Variants in TENM2 observed in about 807,000 individuals in gnomAD.
TENM2 encodes teneurin-2.
Under a neutral mutation model 245.2 loss-of-function variants are expected in TENM2, and 52 were observed. The ratio of observed to expected loss-of-function variants is 0.21; its 90% CI spans 0.17 to 0.27. TENM2 has a LOEUF of 0.27. Among genes scored for constraint, TENM2 ranks in the 10% least tolerant of loss-of-function variants. TENM2 has a pLI of 1.00. For synonymous variants in TENM2, 1,363 were observed against 1,438.9 expected (o/e 0.95, Z 1.19); for missense variants, 3,046 against 3,666.8 (o/e 0.83, Z 4.37).
chr5:167,280,250 C>A (rs1770966952), upstream of TENM2, among the ~76,000 whole-genome samples: 1 of 152,188 alleles, frequency 6.6e-6, no homozygotes, highest in South Asian at 2.1e-4. Context: ...TGCTTCAGCA[C>A]TGCACTACAT....
chr5:168,066,554 C>T (rs768291582), intron 7 of TENM2, among the ~76,000 whole-genome samples: 2 of 152,114 alleles, frequency 1.3e-5, no homozygotes, highest in Admixed American at 1.3e-4. Flanking sequence ...TGTGGAAACG[C>T]CCATTTTATT....
the TENM2 span, among the ~76,000 whole-genome samples, chr5:167,235,143 G>A: frequency 3.2e-4 from 48 of 152,252 alleles, no homozygotes; most frequent in African/African-American, 1.1e-3. Flanking sequence ...CTTGCAGATG[G>A]CTTTTTCCCC....
intron 17 of TENM2, 38 bp from the exon 20 acceptor site, chr5:168,203,651 C>T (rs1762110895): frequency 1.3e-6 from 2 of 1,543,006 alleles, no homozygotes; most frequent in Non-Finnish European, 1.8e-6. Flanking sequence ...TAAACTCTCT[C>T]TTTTCTCTCA....
At chr5:167,000,950 G>GT in the TENM2 span, among the ~76,000 whole-genome samples, 8 of 152,124 alleles carry the variant, frequency 5.3e-5, no homozygotes, top group South Asian at 4.2e-4. Context: ...TTTGTCTGTG[G>GT]TTTTTTGTTG....
intron 7 of TENM2, among the ~76,000 whole-genome samples, chr5:168,065,336 C>T (rs1408284018): frequency 2.0e-5 from 3 of 152,168 alleles, no homozygotes; most frequent in African/African-American, 7.2e-5. Context: ...ACAGAGACAA[C>T]ATTGCATAGG....
At chr5:167,927,950 A>G (rs1024258590) in intron 3 of TENM2, among the ~76,000 whole-genome samples, 2 of 152,244 alleles carry the variant, frequency 1.3e-5, no homozygotes, top group African/African-American at 4.8e-5. Context: ...GGCATACTGT[A>G]GGAAGACTAA....
At chr5:167,009,849 G>C in the TENM2 span, among the ~76,000 whole-genome samples, 1 of 152,094 alleles carries the variant, frequency 6.6e-6, no homozygotes, top group African/African-American at 2.4e-5. Context: ...TTGGTTTTTA[G>C]GTTGCTAGTA....
chr5:167,233,093 T>C, the TENM2 span, among the ~76,000 whole-genome samples: 4 of 152,160 alleles, frequency 2.6e-5, no homozygotes, highest in African/African-American at 9.7e-5. Context: ...GCAGCAACAA[T>C]AAATACTCTG....
At chr5:168,094,440 G>A (rs1464701976) in intron 8 of TENM2, among the ~76,000 whole-genome samples, 1 of 152,092 alleles carries the variant, frequency 6.6e-6, no homozygotes, top group Non-Finnish European at 1.5e-5. Flanking sequence ...TCAGTGAGAA[G>A]CAATCTCTAC....
chr5:168,023,572 C>A (rs1467412772), intron 5 of TENM2, among the ~76,000 whole-genome samples: 2 of 152,138 alleles, frequency 1.3e-5, no homozygotes, highest in Admixed American at 1.3e-4. Flanking sequence ...GCCTCAAGGG[C>A]AAATGGATGG....
intron 2 of TENM2, among the ~76,000 whole-genome samples, chr5:167,869,628 G>T (rs1443406322): frequency 2.0e-5 from 3 of 152,228 alleles, no homozygotes; most frequent in Non-Finnish European, 4.4e-5. Context: ...AGCTGGCATT[G>T]TTATCAGGGC....
intron 4 of TENM2, among the ~76,000 whole-genome samples, chr5:167,956,788 A>G (rs1780594839): frequency 6.6e-6 from 1 of 152,176 alleles, no homozygotes; most frequent in African/African-American, 2.4e-5. Context: ...TGATTTGCGT[A>G]TGTTGAACCA....
chr5:167,423,910 C>T (rs566962776), intron 2 of TENM2, among the ~76,000 whole-genome samples: 1 of 152,178 alleles, frequency 6.6e-6, no homozygotes, highest in Non-Finnish European at 1.5e-5. Flanking sequence ...GAAGCAACCT[C>T]CTCAACCCCT....
At chr5:167,770,749 TA>T (rs1763349603) in intron 2 of TENM2, among the ~76,000 whole-genome samples, 1 of 152,162 alleles carries the variant, frequency 6.6e-6, no homozygotes, top group Non-Finnish European at 1.5e-5. Context: ...AAAAGAAATC[TA>T]ACTTCTGGAA....
In TENM2 at chr5:167,287,974, C is replaced by A. The variant is rs554983926; in HGVS notation, c.226+2911C>A. Among the ~76,000 whole-genome samples the A allele has an allele frequency of 5.9e-5, 9 of 152,244 alleles. No homozygotes were observed. The South Asian group carries it at 1.7e-3, about 28-fold the overall frequency. ...AGCAGTGGTCTGATCCCTGGTCAGA[C>A]CCAGCCCTAATCCAACCTGTGAAAT... is the stretch of plus-strand genomic sequence containing the variant. On this transcript the variant is annotated intron_variant, in intron 1 of 28. Transcript: ENST00000518659.
chr5:167,832,962 G>C (rs561593930), intron 2 of TENM2, among the ~76,000 whole-genome samples: 86 of 152,146 alleles, frequency 5.7e-4, no homozygotes, highest in African/African-American at 1.9e-3. Context: ...GCCTTTATCA[G>C]CACATCACTG....
At chr5:167,159,097 C>T in the TENM2 span, among the ~76,000 whole-genome samples, 1 of 151,676 alleles carries the variant, frequency 6.6e-6, no homozygotes, top group African/African-American at 2.4e-5. Context: ...GGATTATAGG[C>T]AAGCATGGCT....
chr5:168,023,563 C>T (rs1786350421), intron 5 of TENM2, among the ~76,000 whole-genome samples: 1 of 152,142 alleles, frequency 6.6e-6, no homozygotes, highest in Non-Finnish European at 1.5e-5. Flanking sequence ...GGAGGGGATG[C>T]CTCAAGGGCA....
chr5:167,646,634 C>T (rs1052212685), intron 2 of TENM2, among the ~76,000 whole-genome samples: 57 of 151,940 alleles, frequency 3.8e-4, no homozygotes, highest in African/African-American at 1.2e-3. Flanking sequence ...TTCAGCTAGG[C>T]AGGTAATATC....
Sources: gnomAD v4.1 joint callset for allele counts (sites outside exome capture counted in the v4.1 genomes callset) on GRCh38, gnomAD v4.1.1 for gene constraint, MANE v1.5 for transcripts, NCBI Gene and HGNC (gene_info 2026-07-23, HGNC 2026-07-21) for gene names.